Variants in ZNF185 observed in about 807,000 individuals in gnomAD.
ZNF185 encodes the protein zinc finger protein 185.
In ZNF185, 56 loss-of-function variants were observed where a neutral mutation model predicts 58.6. That is an observed-to-expected ratio of 0.95 (90% CI 0.77 to 1.19). The LOEUF (loss-of-function observed/expected upper bound fraction) is 1.19. Among genes scored for constraint, ZNF185 ranks in the 50% most tolerant of loss-of-function variants. The probability of loss-of-function intolerance (pLI) is 0.00; values close to 1 mark genes in which losing one functional copy is unlikely to be tolerated. For synonymous variants in ZNF185, 230 were observed against 215.9 expected (o/e 1.07, Z -0.57); for missense variants, 627 against 573.5 (o/e 1.09, Z -0.95).
intron 14 of ZNF185, among the ~76,000 whole-genome samples, chrX:152,937,178 G>C (rs782570154): frequency 8.9e-4 from 100 of 111,924 alleles, no homozygotes; most frequent in Non-Finnish European, 1.5e-3. Flanking sequence ...TCAGGTTCCA[G>C]CCGCAGCTGA....
chrX:152,903,128 C>T, the ZNF185 span, among the ~76,000 whole-genome samples: 2 of 110,269 alleles, frequency 1.8e-5, no homozygotes, highest in African/African-American at 3.3e-5. Context: ...GTGGCTCACG[C>T]CTGTAATCCC....
upstream of ZNF185, among the ~76,000 whole-genome samples, chrX:152,912,631 TGCCCA>T (rs1254671087): frequency 9.0e-6 from 1 of 111,216 alleles, no homozygotes; most frequent in African/African-American, 3.3e-5. Flanking sequence ...GTCTTTGAGG[TGCCCA>T]GCGCAAAATA....
chrX:152,926,502 G>A (rs1325070999), intron 11 of ZNF185, among the ~76,000 whole-genome samples: 2 of 112,861 alleles, frequency 1.8e-5, no homozygotes, highest in Non-Finnish European at 3.8e-5. Flanking sequence ...CCGCCTCCTC[G>A]CTCTTTGGCA....
chrX:152,901,333 G>A, the ZNF185 span, among the ~76,000 whole-genome samples: 7 of 107,803 alleles, frequency 6.5e-5, no homozygotes, highest in African/African-American at 2.0e-4. Flanking sequence ...GCACACCGCA[G>A]CCTCCAACTC....
chrX:152,916,446 G>GC (rs1323917415), intron 3 of ZNF185, among the ~76,000 whole-genome samples: 1 of 111,804 alleles, frequency 8.9e-6, no homozygotes, highest in African/African-American at 3.3e-5. Context: ...AGTTATCTGA[G>GC]CCCCCTCAGT....
At chrX:152,920,472 C>A in intron 8 of ZNF185, 61 bp downstream of exon 9, 4 of 1,116,465 alleles carry the variant, frequency 3.6e-6, no homozygotes, top group Non-Finnish European at 4.9e-6. Flanking sequence ...AGAGCTCCAG[C>A]CTTCTCTGGC....
intron 1 of ZNF185, 54 bp downstream of exon 2, chrX:152,914,577 A>C: frequency 8.7e-7 from 1 of 1,151,051 alleles, no homozygotes; most frequent in Non-Finnish European, 1.2e-6. Flanking sequence ...GTTTGCTTCC[A>C]AGCCTGCCCC....
chrX:152,927,770 C>T, intron 11 of ZNF185, among the ~76,000 whole-genome samples: 1 of 112,453 alleles, frequency 8.9e-6, no homozygotes, highest in East Asian at 2.8e-4. Flanking sequence ...GGGCCCAGAG[C>T]TTCACCAGGG....
intron 17 of ZNF185, among the ~76,000 whole-genome samples, chrX:152,960,672 G>A (rs184502003): frequency 8.9e-6 from 1 of 112,259 alleles, no homozygotes; most frequent in East Asian, 2.8e-4. Context: ...AAATAATTGA[G>A]TTTTGAAAAT....
At chrX:152,943,816 C>T (rs1385331904) in intron 15 of ZNF185, among the ~76,000 whole-genome samples, 1 of 112,878 alleles carries the variant, frequency 8.9e-6, no homozygotes, top group Non-Finnish European at 1.9e-5. Context: ...CTGATTAAAT[C>T]CATAGTAAAG....
chrX:152,963,743 G>A, intron 17 of ZNF185, 96 bp from the exon 20 acceptor site: 1 of 713,941 alleles, frequency 1.4e-6, no homozygotes, highest in Admixed American at 3.5e-5. Context: ...AGCTTCAAGA[G>A]CAGTGCTCAA....
At position 152,938,177 on chromosome X, in the gene ZNF185, A is replaced by C. The variant is rs1451249118; in HGVS notation, c.1211+14A>C. 5 of 1,169,889 alleles carry C rather than the reference A, an allele frequency of 4.3e-6. No individual in the cohort carries two copies. The highest frequency in any genetic ancestry group is 3.8e-5 in the South Asian group (2 of 52,572). ...AGACCCAAAGGGGTAAGGCATGAGC[A>C]GACAGTGCTGAACTTCTGGGGTGGA... On this transcript the variant is annotated intron_variant, in intron 15 of 22. Transcript: ENST00000449285.
chrX:152,929,072 G>A (rs1380882382), intron 12 of ZNF185, among the ~76,000 whole-genome samples: 3 of 112,015 alleles, frequency 2.7e-5, no homozygotes, highest in Non-Finnish European at 5.6e-5. Context: ...TGGGGATGTT[G>A]GTGGGGGTGG....
chrX:152,907,806 T>G, the ZNF185 span, among the ~76,000 whole-genome samples: 1 of 112,809 alleles, frequency 8.9e-6, no homozygotes, highest in South Asian at 3.6e-4. Flanking sequence ...ATGCAGAGGG[T>G]GTCAGAAAAG....
chrX:152,924,656 A>G (rs1252166139), intron 11 of ZNF185, among the ~76,000 whole-genome samples: 2 of 111,757 alleles, frequency 1.8e-5, no homozygotes, highest in Non-Finnish European at 3.8e-5. Flanking sequence ...AAATGGTTTC[A>G]GGTGCCTTTC....
intron 14 of ZNF185, 69 bp from the exon 17 acceptor site, chrX:152,938,005 G>C: frequency 9.6e-7 from 1 of 1,043,340 alleles, no homozygotes. Context: ...AGGCAGCCTG[G>C]AGGGGGAAGA....
chrX:152,950,339 A>G (rs1304711111), intron 16 of ZNF185, among the ~76,000 whole-genome samples: 4 of 112,006 alleles, frequency 3.6e-5, no homozygotes, highest in African/African-American at 1.3e-4. Flanking sequence ...ACATCTGTAT[A>G]TTAACAATAT....
At chrX:152,917,723 T>G (rs989216938) in intron 5 of ZNF185, 1 of 819,376 alleles carries the variant, frequency 1.2e-6, no homozygotes, top group Non-Finnish European at 1.6e-6. Context: ...TTGACTTGAC[T>G]TGCTGATGGC....
exon 13 of ZNF185, chrX:152,931,733 G>A (rs1942017219): frequency 2.5e-6 from 3 of 1,210,840 alleles, no homozygotes; most frequent in Non-Finnish European, 3.4e-6. Flanking sequence ...GAGGGACTTG[G>A]CTGGTGAGGA....
Sources: gnomAD v4.1 joint callset for allele counts (sites outside exome capture counted in the v4.1 genomes callset) on GRCh38, gnomAD v4.1.1 for gene constraint, MANE v1.5 for transcripts, NCBI Gene and HGNC (gene_info 2026-07-23, HGNC 2026-07-21) for gene names.